Variants in FBN3 observed in about 807,000 individuals in gnomAD.
FBN3 encodes fibrillin 3, also known as fibrillin-3.
A neutral mutation model predicts 330.1 loss-of-function variants in FBN3; 234 were observed. That is an observed-to-expected ratio of 0.71 (90% CI 0.64 to 0.79). The LOEUF is 0.79. Among genes scored for constraint, FBN3 ranks in the 30% least tolerant of loss-of-function variants. The probability of loss-of-function intolerance (pLI) is 0.00; values close to 1 mark genes in which losing one functional copy is unlikely to be tolerated. For missense variants in FBN3, 3,606 were observed against 3,886.9 expected (o/e 0.93, Z 1.92); for synonymous variants, 1,458 against 1,517.3 (o/e 0.96, Z 0.91).
intron 47 of FBN3, among the ~76,000 whole-genome samples, chr19:8,092,609 G>C (rs2082119913): frequency 6.7e-6 from 1 of 148,706 alleles, no homozygotes; most frequent in African/African-American, 2.5e-5. Context: ...CCAGCTACCA[G>C]GAGGGTGAGG....
chr19:8,139,576 A>G (rs1008417526), intron 8 of FBN3, among the ~76,000 whole-genome samples: 3 of 151,802 alleles, frequency 2.0e-5, no homozygotes, highest in Non-Finnish European at 4.4e-5. Context: ...TGCTGGCTTC[A>G]GGCATTATGC....
In FBN3 at chr19:8,083,287, C is replaced by T. The variant is rs375186918; in HGVS notation, c.7173G>A (p.Gln2391=). The part of the protein sequence containing the change: ...NSLGSFRCHC[Q]AGYTPDATAT... ...CAGTAGCATCCGGTGTGTACCCGGCCTGACAGTGGCAGCGGAAGGAGCCAA... is the reference window on the plus strand; with the variant it reads ...CAGTAGCATCCGGTGTGTACCCGGCTTGACAGTGGCAGCGGAAGGAGCCAA... Residue 2391 remains glutamine (Q), a synonymous_variant, in exon 57 of 64, where the codon CAG becomes CAA. Coordinates refer to ENST00000600128, the MANE Select transcript of FBN3 (RefSeq NM_032447.5). The T allele has an allele frequency of 2.0e-5, 33 of 1,614,080 alleles. 1 individual carries two copies. The East Asian group carries it at 2.7e-4, about 13-fold the overall frequency.
At chr19:8,105,174 C>T (rs887808623) in intron 38 of FBN3, among the ~76,000 whole-genome samples, 8 of 151,248 alleles carry the variant, frequency 5.3e-5, no homozygotes, top group African/African-American at 9.7e-5. Context: ...AGGCTGGTCT[C>T]GAACTCCTGA....
chr19:8,125,484 G>A (rs2082955250), intron 22 of FBN3, among the ~76,000 whole-genome samples: 1 of 151,608 alleles, frequency 6.6e-6, no homozygotes. Context: ...GGATCCCAAA[G>A]GATGCCTGAA....
At chr19:8,073,770 C>A (rs2081577401) in intron 61 of FBN3, among the ~76,000 whole-genome samples, 1 of 152,176 alleles carries the variant, frequency 6.6e-6, no homozygotes, top group African/African-American at 2.4e-5. Flanking sequence ...GCCTTGACGT[C>A]CTGGGCTCAA....
chr19:8,095,475 C>A lies in FBN3; in HGVS notation c.5685G>T (p.Gly1895=). ...VDFDECTTLV[G]QVCRFGHCLN... ...GGCAATGGCCAAATCGGCACACCTGCCCCACCAGGGTAGTACACTCATCAA... is the reference window on the plus strand; with the variant it reads ...GGCAATGGCCAAATCGGCACACCTGACCCACCAGGGTAGTACACTCATCAA... Residue 1895 remains glycine (G), a synonymous_variant, in exon 46 of 64, where the codon GGG becomes GGT. Transcript: ENST00000600128. The A allele has an allele frequency of 6.2e-7, 1 of 1,613,686 alleles. No homozygotes were observed.
At chr19:8,093,598 G>T (rs1207447349) in intron 47 of FBN3, among the ~76,000 whole-genome samples, 1 of 152,070 alleles carries the variant, frequency 6.6e-6, no homozygotes, top group Non-Finnish European at 1.5e-5. Flanking sequence ...ACTCCAGCCT[G>T]GGGGATAGAG....
chr19:8,093,759 A>C (rs1277911337), intron 47 of FBN3, among the ~76,000 whole-genome samples: 1 of 151,348 alleles, frequency 6.6e-6, no homozygotes, highest in Non-Finnish European at 1.5e-5. Context: ...CTCTCAAAAC[A>C]AAACAAACAA....
In FBN3 at chr19:8,089,964, A is replaced by G. The variant is rs1196430988; in HGVS notation, c.6185-5T>C. On this transcript the variant is annotated splice_polypyrimidine_tract_variant and splice_region_variant and intron_variant, in intron 49 of 63. Coordinates refer to ENST00000600128, the MANE Select transcript of FBN3 (RefSeq NM_032447.5). ...GGCAGAGCTCCTGAAAGGCAGCTGGACGGAGAGGGGGAGGGGAGTCAGAGT... is the reference window on the plus strand; with the variant it reads ...GGCAGAGCTCCTGAAAGGCAGCTGGGCGGAGAGGGGGAGGGGAGTCAGAGT... 1.2e-6 allele frequency: 2 copies of G among 1,610,016 alleles called. No individual in the cohort carries two copies. The highest frequency in any genetic ancestry group is 2.2e-5 in the South Asian group (2 of 90,670).
At chr19:8,137,530 G>A (rs1283517820) in intron 10 of FBN3, among the ~76,000 whole-genome samples, 3 of 152,126 alleles carry the variant, frequency 2.0e-5, no homozygotes, top group African/African-American at 7.2e-5. Context: ...TATGGGGCAA[G>A]AACCCACCCC....
chr19:8,127,423 GTTTT>G (rs2083020776), intron 18 of FBN3, among the ~76,000 whole-genome samples: 1 of 152,162 alleles, frequency 6.6e-6, no homozygotes, highest in East Asian at 1.9e-4. Context: ...CAGACATGGG[GTTTT>G]TTGTTTGTTT....
At chr19:8,067,318 G>A (rs2081416153) in intron 63 of FBN3, among the ~76,000 whole-genome samples, 1 of 151,986 alleles carries the variant, frequency 6.6e-6, no homozygotes, top group African/African-American at 2.4e-5. Context: ...TAGAGACAGG[G>A]TTTCACTATG....
intron 63 of FBN3, among the ~76,000 whole-genome samples, chr19:8,069,826 G>A (rs2081474669): frequency 6.6e-6 from 1 of 152,182 alleles, no homozygotes; most frequent in Non-Finnish European, 1.5e-5. Flanking sequence ...GGCCTTGACT[G>A]GGCACAGTGG....
At position 8,085,535 on chromosome 19, in the gene FBN3, C is replaced by A; in HGVS notation, c.6915G>T (p.Leu2305=). The A allele has an allele frequency of 6.3e-7, 1 of 1,589,022 alleles. No individual in the cohort carries two copies. Among genetic ancestry groups the A allele is most frequent in the East Asian group, 2.3e-5 (1 of 43,742 alleles). ...IRQGPCFAEV[L]QTMCRSLSSS... ...TGGACAGAGACCGGCACATGGTCTG[C>A]AGCACCTCGGCAAAGCAGGGCCCCT... Residue 2305 remains leucine (L), a synonymous_variant, in exon 56 of 64, where the codon CTG becomes CTT. Transcript: ENST00000600128.
Position 8,072,070 on chromosome 19 carries a change from C to T in FBN3, c.8066G>A (p.Arg2689His), listed in dbSNP as rs983206994. The T allele has an allele frequency of 2.5e-6, 4 of 1,612,224 alleles. No homozygotes were observed. The highest frequency in any genetic ancestry group is 2.2e-5 in the South Asian group (2 of 91,032). ...NGLSPRDRPR[R>H]SAHRDHQVNL... is the part of the protein sequence containing the mutation. ...CACCTGGTGGTCCCTGTGGGCACTG[C>T]GTCGTGGCCGGTCCCGAGGGGAGAG... The change falls in exon 63 of 64, where the codon CGC becomes CAC. Residue 2689 changes from arginine (R) to histidine (H), a missense_variant. Transcript: ENST00000600128.
intron 5 of FBN3, among the ~76,000 whole-genome samples, chr19:8,145,218 A>T (rs148782641): frequency 1.1e-3 from 168 of 152,210 alleles, no homozygotes; most frequent in African/African-American, 4.0e-3. Context: ...TACTAAAAAT[A>T]CAAAAATTAG....
chr19:8,072,067 C>T lies in FBN3; in HGVS notation c.8069G>A (p.Ser2690Asn). ...TGTCACCTGGTGGTCCCTGTGGGCACTGCGTCGTGGCCGGTCCCGAGGGGA... is the reference window on the plus strand; with the variant it reads ...TGTCACCTGGTGGTCCCTGTGGGCATTGCGTCGTGGCCGGTCCCGAGGGGA... ...GLSPRDRPRR[S>N]AHRDHQVNLA... The change falls in exon 63 of 64, where the codon AGT becomes AAT. Residue 2690 changes from serine to asparagine, a missense_variant. Transcript: ENST00000600128. 1 of 1,612,396 alleles carries T rather than the reference C, an allele frequency of 6.2e-7. No individual in the cohort carries two copies. Among genetic ancestry groups the T allele is most frequent in the African/African-American group, 1.3e-5 (1 of 75,014 alleles).
chr19:8,100,801 A>T, intron 41 of FBN3, 100 bp downstream of exon 41: 1 of 854,618 alleles, frequency 1.2e-6, no homozygotes, highest in South Asian at 1.4e-5. Flanking sequence ...AGGATGGAGG[A>T]GTGGATGTAA....
At chr19:8,108,117 G>T (rs1855208207) in intron 37 of FBN3, 53 bp downstream of exon 37, 1 of 1,540,084 alleles carries the variant, frequency 6.5e-7, no homozygotes. Context: ...GGGGATGAGA[G>T]AAAAGTCAGT....
Sources: allele counts gnomAD v4.1 joint callset (sites outside exome capture counted in the v4.1 genomes callset), GRCh38; gene constraint gnomAD v4.1.1; transcripts MANE v1.5; gene names NCBI Gene and HGNC (gene_info 2026-07-23, HGNC 2026-07-21).